Variants in CLIC4 observed in about 807,000 individuals in gnomAD.
CLIC4 encodes CLIC family member 4.
Under a neutral mutation model 24.6 loss-of-function variants are expected in CLIC4, and 13 were observed. The observed-to-expected ratio is 0.53, with a 90% confidence interval of 0.34 to 0.84. The LOEUF (loss-of-function observed/expected upper bound fraction) is 0.84. Ranked by LOEUF, CLIC4 falls within the 40% of genes least tolerant of loss-of-function variation. CLIC4 has a pLI of 0.01. For missense variants in CLIC4, 227 were observed against 301.7 expected (o/e 0.75, Z 1.83); for synonymous variants, 104 against 111.3 (o/e 0.93, Z 0.41).
At chr1:24,814,629 T>G (rs185714804) in intron 3 of CLIC4, among the ~76,000 whole-genome samples, 296 of 152,334 alleles carry the variant, frequency 1.9e-3, no homozygotes, top group African/African-American at 6.9e-3. Context: ...TCAGTTCATT[T>G]TAAAGGTAAC....
intron 1 of CLIC4, among the ~76,000 whole-genome samples, chr1:24,765,078 G>A (rs368569215): frequency 6.6e-6 from 1 of 152,170 alleles, no homozygotes; most frequent in African/African-American, 2.4e-5. Context: ...CACTGCCTGG[G>A]AGGCCTTTTC....
At chr1:24,747,746 T>C (rs1053131269) in intron 1 of CLIC4, among the ~76,000 whole-genome samples, 1 of 152,002 alleles carries the variant, frequency 6.6e-6, no homozygotes, top group Non-Finnish European at 1.5e-5. Flanking sequence ...AAACTTAGAA[T>C]AAGCTACTAT....
rs954752779 is a variant in CLIC4, at chr1:24,835,423, C to T, written c.416-4437C>T. On this transcript the variant is annotated intron_variant, in intron 4 of 5. Transcript: ENST00000374379. ...ACTAAAAATACAAAAATCAGCCAGG[C>T]GTGGTTGCTCACGCCTATAATCCCA... 3.3e-5 allele frequency among the ~76,000 whole-genome samples: 5 copies of T among 152,082 alleles called. No individual in the cohort carries two copies. The East Asian group carries it at 5.8e-4, about 18-fold the overall frequency.
intron 3 of CLIC4, among the ~76,000 whole-genome samples, chr1:24,818,336 G>C (rs1018985167): frequency 6.6e-6 from 1 of 151,986 alleles, no homozygotes; most frequent in Non-Finnish European, 1.5e-5. Flanking sequence ...ACCCAGGCTG[G>C]AGTGCAGTGG....
chr1:24,778,159 CT>C (rs1420069365), intron 1 of CLIC4, among the ~76,000 whole-genome samples: 3 of 152,078 alleles, frequency 2.0e-5, no homozygotes, highest in Non-Finnish European at 4.4e-5. Flanking sequence ...TCCTTCTTTG[CT>C]CTGGTGTAAG....
intron 1 of CLIC4, among the ~76,000 whole-genome samples, chr1:24,780,031 AC>A (rs1208090851): frequency 6.6e-5 from 10 of 151,910 alleles, no homozygotes; most frequent in African/African-American, 2.2e-4. Context: ...GGCATTCCTT[AC>A]CCCCTTTCCC....
intron 4 of CLIC4, among the ~76,000 whole-genome samples, chr1:24,827,542 GT>G (rs35037847): frequency 0.67 from 64,534 of 95,872 alleles, 19,533 homozygotes; most frequent in East Asian, 0.8. Flanking sequence ...TCAGTCTGAG[GT>G]TTTTTTTTTT....
chr1:24,801,823 G>C (rs755499943), intron 2 of CLIC4, among the ~76,000 whole-genome samples: 2 of 152,160 alleles, frequency 1.3e-5, no homozygotes, highest in Non-Finnish European at 2.9e-5. Context: ...AGTCATCAAG[G>C]AACCCCTTTA....
At chr1:24,747,330 T>A (rs1293150070) in intron 1 of CLIC4, among the ~76,000 whole-genome samples, 1 of 151,424 alleles carries the variant, frequency 6.6e-6, no homozygotes, top group Admixed American at 6.6e-5. Context: ...GGTCAGGAGA[T>A]CGAGACCATC....
intron 2 of CLIC4, among the ~76,000 whole-genome samples, chr1:24,800,801 C>G (rs898016909): frequency 6.6e-6 from 1 of 152,102 alleles, no homozygotes. Context: ...TGTGCTGTGT[C>G]CACTCAGGGT....
chr1:24,751,269 G>T (rs1477401546), intron 1 of CLIC4, among the ~76,000 whole-genome samples: 1 of 146,906 alleles, frequency 6.8e-6, no homozygotes, highest in Admixed American at 7.0e-5. Flanking sequence ...GAGTGCAGTG[G>T]CACGATCTTG....
At chr1:24,836,474 A>T (rs76819852) in intron 4 of CLIC4, among the ~76,000 whole-genome samples, 1 of 149,030 alleles carries the variant, frequency 6.7e-6, no homozygotes. Context: ...AAAGCTAAAA[A>T]TTTTTCCAAA....
In CLIC4 at chr1:24,840,891, A is replaced by T. The variant is rs751535944; in HGVS notation, c.716A>T (p.Glu239Val). Residue 239 changes from glutamate to valine, a missense_variant, in exon 6 of 6, where the codon GAG becomes GTG. Transcript: ENST00000374379. ...ACCAATACCTGTCCCAGTGATAAGG[A>T]GGTTGAAATAGCATATAGTGATGTA... Reference protein sequence around the residue: ...EFTNTCPSDKEVEIAYSDVAK... With the variant: ...EFTNTCPSDKVVEIAYSDVAK... 1 of 1,611,520 alleles carries T rather than the reference A, an allele frequency of 6.2e-7. No individual in the cohort carries two copies. The highest frequency in any genetic ancestry group is 1.1e-5 in the South Asian group (1 of 90,634).
intron 1 of CLIC4, among the ~76,000 whole-genome samples, chr1:24,782,180 C>T (rs552114036): frequency 1.3e-5 from 2 of 152,220 alleles, no homozygotes; most frequent in Admixed American, 1.3e-4. Context: ...CTGTTATAAG[C>T]TGAACTACTA....
intron 2 of CLIC4, among the ~76,000 whole-genome samples, chr1:24,811,129 T>C (rs1466145493): frequency 2.0e-5 from 3 of 151,782 alleles, no homozygotes; most frequent in African/African-American, 7.3e-5. Context: ...AGAACAATAA[T>C]GAACCCACTA....
chr1:24,771,740 T>C, intron 1 of CLIC4: 2 of 383,450 alleles, frequency 5.2e-6, no homozygotes, highest in Admixed American at 2.9e-5. Flanking sequence ...ACTTGAGACA[T>C]GTAATTGGGG....
At chr1:24,822,395 C>T (rs1339949854) in intron 3 of CLIC4, among the ~76,000 whole-genome samples, 1 of 124,630 alleles carries the variant, frequency 8.0e-6, no homozygotes, top group African/African-American at 3.1e-5. Flanking sequence ...GTCGCCCAGG[C>T]TGGAGTGCAG....
intron 2 of CLIC4, among the ~76,000 whole-genome samples, chr1:24,811,343 T>C (rs1557809728): frequency 6.6e-6 from 1 of 152,126 alleles, no homozygotes; most frequent in Non-Finnish European, 1.5e-5. Context: ...GAGAGGAGAA[T>C]GAGAGTGAAA....
intron 3 of CLIC4, among the ~76,000 whole-genome samples, chr1:24,824,996 TCACA>T (rs3220273): frequency 0.25 from 33,119 of 133,634 alleles, 3,975 homozygotes; most frequent in Middle Eastern, 0.37. Flanking sequence ...GGAGACCCTG[TCACA>T]CACACACACA....
Sources: allele counts gnomAD v4.1 joint callset (sites outside exome capture counted in the v4.1 genomes callset), GRCh38; gene constraint gnomAD v4.1.1; transcripts MANE v1.5; gene names NCBI Gene and HGNC (gene_info 2026-07-23, HGNC 2026-07-21).